Variants in ZNF585A observed in about 807,000 individuals in gnomAD.
ZNF585A encodes zinc finger protein 585A.
In ZNF585A, 9 loss-of-function variants were observed where a neutral mutation model predicts 14.9. The ratio of observed to expected loss-of-function variants is 0.60; its 90% confidence interval spans 0.36 to 1.05. The LOEUF (loss-of-function observed/expected upper bound fraction) is 1.05, where lower values mean the gene tolerates loss of function less well. ZNF585A is among the 50% of genes least tolerant of loss of function. ZNF585A has a pLI of 0.01. For missense variants in ZNF585A, 726 were observed against 926.4 expected (o/e 0.78, Z 2.81); for synonymous variants, 276 against 319.9 (o/e 0.86, Z 1.46).
rs1196099554 is a variant in ZNF585A at position 37,170,005 on chromosome 19, G to C, written c.-95C>G. On this transcript the variant is annotated 5_prime_UTR_variant, in exon 2 of 5. Coordinates refer to ENST00000292841, the MANE Select transcript of ZNF585A (RefSeq NM_001288800.2). ...AGAGCTGCTCTGAAGAGATGGGCTG[G>C]AGTCTAGAGGAAAATCTGGCCCAGG... 4.8e-6 allele frequency: 7 copies of C among 1,467,074 alleles called. No individual in the cohort carries two copies. Among genetic ancestry groups the C allele is most frequent in the Non-Finnish European group, 5.5e-6 (6 of 1,088,060 alleles). The allele number at this position is 1,467,074 out of a possible 1,614,324, so 90.9% of individuals were successfully genotyped here. A position where few individuals can be genotyped will look rare whatever the true frequency, so the allele number is the denominator to read the frequency against.
chr19:37,152,580 C>T lies in ZNF585A; in HGVS notation c.1319G>A (p.Cys440Tyr). 1 of 1,614,150 alleles carries T rather than the reference C, an allele frequency of 6.2e-7. No homozygotes were observed. The highest frequency in any genetic ancestry group is 8.5e-7 in the Non-Finnish European group (1 of 1,180,028). Residue 440 changes from cysteine (C) to tyrosine (Y), a missense_variant, in exon 5 of 5, where the codon TGT (cysteine) becomes TAT (tyrosine). By Grantham distance (194) the Cys-to-Tyr change is radical. Transcript: ENST00000292841. Reference protein sequence around the residue: ...IIHTGEKPHKCGHCGKLFTSK... With the variant: ...IIHTGEKPHKYGHCGKLFTSK... ...GGTAAACAATTTCCCACAGTGACCA[C>T]ATTTATGAGGTTTCTCTCCAGTATG...
chr19:37,160,610 G>C (rs1971999092), intron 2 of ZNF585A, among the ~76,000 whole-genome samples: 1 of 151,616 alleles, frequency 6.6e-6, no homozygotes, highest in Non-Finnish European at 1.5e-5. Context: ...GAATAAAACA[G>C]TAAATATCAT....
Position 37,169,994 on chromosome 19 carries a change from G to C in ZNF585A, c.-84C>G. ...TGAACTCAAGCAGAGCTGCTCTGAA[G>C]AGATGGGCTGGAGTCTAGAGGAAAA... On this transcript the variant is annotated 5_prime_UTR_variant, in exon 2 of 5. Transcript: ENST00000292841. 1 of 1,518,894 alleles carries C rather than the reference G, an allele frequency of 6.6e-7. No individual in the cohort carries two copies. Among genetic ancestry groups the C allele is most frequent in the Non-Finnish European group, 8.9e-7 (1 of 1,125,976 alleles). The allele number at this position is 1,518,894 out of a possible 1,614,324, so 94.1% of individuals were successfully genotyped here. A position where few individuals can be genotyped will look rare whatever the true frequency, so the allele number is the denominator to read the frequency against.
intron 2 of ZNF585A, among the ~76,000 whole-genome samples, chr19:37,168,335 C>T (rs568940384): frequency 6.6e-6 from 1 of 152,316 alleles, no homozygotes; most frequent in African/African-American, 2.4e-5. Flanking sequence ...AGAAGCTAGC[C>T]TGGCAGGGGC....
chr19:37,158,972 G>T (rs533170763), intron 2 of ZNF585A, among the ~76,000 whole-genome samples: 1 of 152,296 alleles, frequency 6.6e-6, no homozygotes, highest in Admixed American at 6.5e-5. Flanking sequence ...AATGGGCCAG[G>T]TGTGGTGGCT....
Position 37,152,946 on chromosome 19 carries a change from C to T in ZNF585A, c.953G>A (p.Arg318His), listed in dbSNP as rs145953217. The change falls in exon 5 of 5, where the codon CGT becomes CAT. Residue 318 changes from arginine to histidine, a missense_variant. By Grantham distance (29) the Arg-to-His change is conservative. Transcript: ENST00000292841. ...ATAGGGCTTCACTCTTGTGTGAACACGTTGATGTACCTGAAGTTGTGACTT... is the reference window on the plus strand; with the variant it reads ...ATAGGGCTTCACTCTTGTGTGAACATGTTGATGTACCTGAAGTTGTGACTT... ...ISKSQLQVHQ[R>H]VHTRVKPYIC... The T allele has an allele frequency of 2.3e-4, 367 of 1,614,200 alleles. No homozygotes were observed. The highest frequency in any genetic ancestry group is 2.9e-4 in the Non-Finnish European group (338 of 1,180,044).
rs566231505 is a variant in ZNF585A at position 37,147,168 on chromosome 19, G to A, written c.*4421C>T. 14 of 152,314 alleles carry A rather than the reference G, an allele frequency of 9.2e-5. No individual in the cohort carries two copies. The highest frequency in any genetic ancestry group is 2.1e-4 in the Non-Finnish European group (14 of 68,060). The allele number at this position is 152,314 out of a possible 1,614,324, so 9.4% of individuals were successfully genotyped here. On this transcript the variant is annotated 3_prime_UTR_variant, in exon 5 of 5. Transcript: ENST00000292841. ...ACCAAAAAAAGGAATATTGAATCAG[G>A]TCAGATAGTAATAGTATTTGCAATG...
chr19:37,171,605 T>C (rs1450424300), intron 1 of ZNF585A, among the ~76,000 whole-genome samples: 1 of 152,126 alleles, frequency 6.6e-6, no homozygotes, highest in Non-Finnish European at 1.5e-5. Context: ...TATAAAGTAT[T>C]AAAAATGCAC....
At chr19:37,162,619 A>G (rs1368156259) in intron 2 of ZNF585A, among the ~76,000 whole-genome samples, 1 of 152,248 alleles carries the variant, frequency 6.6e-6, no homozygotes, top group African/African-American at 2.4e-5. Flanking sequence ...TGTGGTGTCT[A>G]TATATACACC....
intron 3 of ZNF585A, 104 bp downstream of exon 3, chr19:37,156,125 G>T: frequency 2.6e-6 from 4 of 1,561,496 alleles, no homozygotes; most frequent in South Asian, 2.4e-5. Flanking sequence ...GACAAATCAA[G>T]AACAAAATCA....
At chr19:37,157,448 TA>T (rs1971949117) in intron 2 of ZNF585A, among the ~76,000 whole-genome samples, 1 of 152,158 alleles carries the variant, frequency 6.6e-6, no homozygotes, top group African/African-American at 2.4e-5. Flanking sequence ...TGAAGTTTTT[TA>T]AAAAAGAAGA....
Position 37,152,749 on chromosome 19 carries a change from A to G in ZNF585A, c.1150T>C (p.Cys384Arg). Residue 384 changes from cysteine (C) to arginine (R), a missense_variant, in exon 5 of 5, where the codon TGC (cysteine) becomes CGC (arginine). This residue lies in a region of ZNF585A where 483 missense variants were observed against 542.8 expected (regional missense o/e 0.89). Coordinates refer to ENST00000292841, the MANE Select transcript of ZNF585A (RefSeq NM_001288800.2). ...RIHTGEKPYE[C>R]SDCGKAFTQK... ...GTGAAGGCTTTCCCACAGTCACTGCATTCATAAGGTTTCTCTCCAGTGTGA... is the reference window on the plus strand; with the variant it reads ...GTGAAGGCTTTCCCACAGTCACTGCGTTCATAAGGTTTCTCTCCAGTGTGA... 1 of 1,614,220 alleles carries G rather than the reference A, an allele frequency of 6.2e-7. No individual in the cohort carries two copies.
chr19:37,148,293 T>C lies in ZNF585A; in HGVS notation c.*3296A>G, dbSNP rs945175586. On this transcript the variant is annotated 3_prime_UTR_variant, in exon 5 of 5. Coordinates refer to ENST00000292841, the MANE Select transcript of ZNF585A (RefSeq NM_001288800.2). The stretch of plus-strand genomic sequence containing the variant: ...GATGTTGAGCATCTTTTCATCACCT[T>C]ATTTTCCATTTGTTTTTCATAGAAC... 1.3e-5 allele frequency: 2 copies of C among 152,196 alleles called. No individual in the cohort carries two copies. Among genetic ancestry groups the C allele is most frequent in the African/African-American group, 4.8e-5 (2 of 41,452 alleles). The allele number at this position is 152,196 out of a possible 1,614,324, so 9.4% of individuals were successfully genotyped here. A position where few individuals can be genotyped will look rare whatever the true frequency, so the allele number is the denominator to read the frequency against.
rs1461549999 is a variant in ZNF585A at position 37,148,099 on chromosome 19, T to G, written c.*3490A>C. The G allele has an allele frequency of 6.6e-6, 1 of 152,190 alleles. No homozygotes were observed. Among genetic ancestry groups the G allele is most frequent in the East Asian group, 1.9e-4 (1 of 5,194 alleles). 9.4% of individuals were successfully genotyped at this position (152,190 alleles called of 1,614,324 possible). ...TAATAGTATAAGAAGCTGCCAAACT[T>G]TTGTGCATAGTGGACAGACCGTTTT... On this transcript the variant is annotated 3_prime_UTR_variant, in exon 5 of 5. Transcript: ENST00000292841.
chr19:37,161,746 A>C (rs1285034569), intron 2 of ZNF585A, among the ~76,000 whole-genome samples: 1 of 152,102 alleles, frequency 6.6e-6, no homozygotes, highest in Non-Finnish European at 1.5e-5. Flanking sequence ...TTGAATACAA[A>C]TATCTTCCTT....
rs746331448 is a variant in ZNF585A, at chr19:37,170,032, G to T, written c.-122C>A. 3.5e-5 allele frequency: 41 copies of T among 1,176,540 alleles called. No homozygotes were observed. In the South Asian group the frequency reaches 5.0e-4, roughly 14 times the overall value. The allele number at this position is 1,176,540 out of a possible 1,614,324, so 72.9% of individuals were successfully genotyped here. A position where few individuals can be genotyped will look rare whatever the true frequency, so the allele number is the denominator to read the frequency against. On this transcript the variant is annotated 5_prime_UTR_variant, in exon 2 of 5. Transcript: ENST00000292841. The stretch of plus-strand genomic sequence containing the variant: ...GTCTAGAGGAAAATCTGGCCCAGGG[G>T]CTCCCCAGAGACACCCAGAAACCTG...
intron 2 of ZNF585A, 46 bp downstream of exon 2, chr19:37,169,793 T>G: frequency 6.2e-7 from 1 of 1,602,668 alleles, no homozygotes; most frequent in Non-Finnish European, 8.5e-7. Context: ...CAGAGATACC[T>G]AGTCCTGGAT....
In ZNF585A at chr19:37,156,328, T is replaced by C. The variant is rs1267015947; in HGVS notation, c.100A>G (p.Ile34Val). Reference protein sequence around the residue: ...EGSVSFRDVAIDFSREEWRHL... With the variant: ...EGSVSFRDVAVDFSREEWRHL... ...CGCCATTCCTCTCTGCTGAAATCGA[T>C]AGCCACATCCCTGAAGGACACTGAT... The change falls in exon 3 of 5, where the codon ATC becomes GTC. Residue 34 changes from isoleucine (I) to valine (V), a missense_variant. By Grantham distance (29) the Ile-to-Val change is conservative. Transcript: ENST00000292841. 3.1e-6 allele frequency: 5 copies of C among 1,614,028 alleles called. No homozygotes were observed. The highest frequency in any genetic ancestry group is 2.2e-5 in the South Asian group (2 of 91,076).
intron 2 of ZNF585A, among the ~76,000 whole-genome samples, chr19:37,163,183 A>G (rs1050749012): frequency 1.3e-5 from 2 of 152,100 alleles, no homozygotes; most frequent in Non-Finnish European, 2.9e-5. Flanking sequence ...TTATACAAAC[A>G]GTTTGTCAGG....
Sources: gnomAD v4.1 joint callset for allele counts (sites outside exome capture counted in the v4.1 genomes callset) on GRCh38, gnomAD v4.1.1 for gene constraint, gnomAD v4.1.1 regional missense constraint, MANE v1.5 for transcripts, NCBI Gene and HGNC (gene_info 2026-07-23, HGNC 2026-07-21) for gene names.